Variants in VWC2L observed in about 807,000 individuals in gnomAD.
VWC2L encodes the protein von Willebrand factor C domain-containing protein 2-like.
VWC2L carries 10 observed loss-of-function variants against 21.6 expected under a neutral mutation model. The observed-to-expected ratio is 0.46, with a 90% CI of 0.29 to 0.78. The LOEUF is 0.78. Among genes scored for constraint, VWC2L ranks in the 30% least tolerant of loss-of-function variants. The pLI, the probability that VWC2L is intolerant of heterozygous loss-of-function variation, is 0.10. For missense variants in VWC2L, 209 were observed against 277.1 expected (o/e 0.75, Z 1.74); for synonymous variants, 96 against 94.3 (o/e 1.02, Z -0.10).
At chr2:214,565,325 T>G (rs1420133539) in intron 3 of VWC2L, among the ~76,000 whole-genome samples, 1 of 152,206 alleles carries the variant, frequency 6.6e-6, no homozygotes, top group Non-Finnish European at 1.5e-5. Context: ...TGTTATCCCT[T>G]AACTTAGACT....
chr2:214,534,622 T>C (rs1006490113), intron 3 of VWC2L, among the ~76,000 whole-genome samples: 1 of 152,092 alleles, frequency 6.6e-6, no homozygotes, highest in Non-Finnish European at 1.5e-5. Flanking sequence ...TACAAGATCA[T>C]AGATATCCTA....
At chr2:214,479,625 T>A (rs1329318553) in intron 3 of VWC2L, among the ~76,000 whole-genome samples, 2 of 152,084 alleles carry the variant, frequency 1.3e-5, no homozygotes, top group Non-Finnish European at 2.9e-5. Context: ...GCCAACATGA[T>A]GAAACCCCAT....
At chr2:214,557,603 G>C (rs964729424) in intron 3 of VWC2L, among the ~76,000 whole-genome samples, 3 of 152,170 alleles carry the variant, frequency 2.0e-5, no homozygotes, top group African/African-American at 7.2e-5. Flanking sequence ...GGCGTCCCCA[G>C]TCAGCTAGAC....
At chr2:214,417,041 A>G (rs577398867) in intron 2 of VWC2L, among the ~76,000 whole-genome samples, 4 of 152,266 alleles carry the variant, frequency 2.6e-5, no homozygotes, top group South Asian at 2.1e-4. Flanking sequence ...ACTTATCCCT[A>G]TGAACCATAC....
chr2:214,564,532 G>A (rs1574639420), intron 3 of VWC2L, among the ~76,000 whole-genome samples: 1 of 152,020 alleles, frequency 6.6e-6, no homozygotes, highest in South Asian at 2.1e-4. Context: ...ATTCTCCACA[G>A]CTACGCATGG....
Position 214,461,371 on chromosome 2 carries a change from G to C in VWC2L, c.520+24613G>C, listed in dbSNP as rs1208285322. ...TGATAAAACAACCCTCAAGTTCCAA[G>C]GGGGAACACTCTAGTGTTAATGGTG... On this transcript the variant is annotated intron_variant, in intron 3 of 3. Transcript: ENST00000312504. Among the ~76,000 whole-genome samples the C allele has an allele frequency of 3.3e-5, 5 of 152,174 alleles. No individual in the cohort carries two copies. The East Asian group carries it at 9.7e-4, about 29-fold the overall frequency.
At position 214,563,578 on chromosome 2, in the gene VWC2L, A is replaced by AAAAAAAG. The variant is rs1229933171; in HGVS notation, c.521-12091_521-12090insAAAGAAA. ...AAAAAAAAAAAAAAAAAAAAAAAAA[A>AAAAAAAG]AAATCAAGTGGTTCTAAATGTGAAG... On this transcript the variant is annotated intron_variant, in intron 3 of 3. Transcript: ENST00000312504. 1.5e-5 allele frequency among the ~76,000 whole-genome samples: 2 copies of AAAAAAAG among 133,530 alleles called. 1 individual carries two copies. The allele number at this position is 133,530 out of a possible 152,430, so 87.6% of individuals were successfully genotyped here. A position where few individuals can be genotyped will look rare whatever the true frequency, so the allele number is the denominator to read the frequency against.
intron 3 of VWC2L, among the ~76,000 whole-genome samples, chr2:214,569,571 A>G (rs757261630): frequency 2.6e-5 from 4 of 152,128 alleles, no homozygotes; most frequent in Non-Finnish European, 5.9e-5. Context: ...AGAGTTAACT[A>G]TTTGCTCTCG....
chr2:214,563,025 T>C (rs1690001072), intron 3 of VWC2L, among the ~76,000 whole-genome samples: 1 of 152,186 alleles, frequency 6.6e-6, no homozygotes, highest in South Asian at 2.1e-4. Context: ...TCATGAAATC[T>C]TTCCCTTGCC....
At chr2:214,469,569 TGG>T (rs1055464983) in intron 3 of VWC2L, among the ~76,000 whole-genome samples, 1 of 151,356 alleles carries the variant, frequency 6.6e-6, no homozygotes, top group Non-Finnish European at 1.5e-5. Context: ...CACTCCAGCC[TGG>T]GCGACAGAGG....
chr2:214,423,851 G>A (rs1434657564), intron 2 of VWC2L, among the ~76,000 whole-genome samples: 2 of 151,986 alleles, frequency 1.3e-5, no homozygotes, highest in Non-Finnish European at 2.9e-5. Context: ...TAACAAAGGA[G>A]CAAAATTAGC....
At chr2:214,536,901 T>C (rs1159737488) in intron 3 of VWC2L, 1 of 151,904 alleles carries the variant, frequency 6.6e-6, no homozygotes, top group Non-Finnish European at 1.5e-5. Flanking sequence ...TTCCCAAGCA[T>C]GCATTGCTTT....
chr2:214,535,625 T>C (rs535554957), intron 3 of VWC2L, among the ~76,000 whole-genome samples: 7 of 152,216 alleles, frequency 4.6e-5, no homozygotes, highest in Non-Finnish European at 1.0e-4. Flanking sequence ...AACAAAAGGG[T>C]GATCCTTAAA....
At chr2:214,473,481 CA>C (rs1703339828) in intron 3 of VWC2L, among the ~76,000 whole-genome samples, 1 of 152,100 alleles carries the variant, frequency 6.6e-6, no homozygotes, top group African/African-American at 2.4e-5. Context: ...TTGAGATATC[CA>C]AGTCTTCTTA....
intron 2 of VWC2L, 133 bp from the exon 3 acceptor site, chr2:214,436,496 C>A: frequency 1.7e-6 from 2 of 1,170,642 alleles, no homozygotes; most frequent in Non-Finnish European, 2.4e-6. Flanking sequence ...GGAGAATGAT[C>A]GTAGACATGG....
chr2:214,565,217 G>GA (rs944516447), intron 3 of VWC2L, among the ~76,000 whole-genome samples: 7 of 151,602 alleles, frequency 4.6e-5, no homozygotes, highest in Non-Finnish European at 1.0e-4. Context: ...TAAGCAATAA[G>GA]AAAAAAAACT....
Position 214,414,222 on chromosome 2 carries a change from T to C in VWC2L, c.29T>C (p.Ile10Thr). ...GCTCTTCATATTCATGAAGCTTGCA[T>C]ACTTCTGTTGGTCATCCCTGGATTG... MALHIHEACILLLVIPGLVT... is the reference protein window; with the variant it reads MALHIHEACTLLLVIPGLVT... The change falls in exon 2 of 4, where the codon ATA (isoleucine) becomes ACA (threonine). Residue 10 changes from isoleucine to threonine, a missense_variant. Ile to Thr is a moderately conservative substitution (Grantham distance 89, BLOSUM62 -1). Coordinates refer to ENST00000312504, the MANE Select transcript of VWC2L (RefSeq NM_001080500.4). 1 of 1,613,050 alleles carries C rather than the reference T, an allele frequency of 6.2e-7. No homozygotes were observed. Among genetic ancestry groups the C allele is most frequent in the Non-Finnish European group, 8.5e-7 (1 of 1,179,618 alleles).
At chr2:214,525,752 T>C (rs1465423665) in intron 3 of VWC2L, among the ~76,000 whole-genome samples, 1 of 152,214 alleles carries the variant, frequency 6.6e-6, no homozygotes, top group Non-Finnish European at 1.5e-5. Flanking sequence ...ATGATTGTTG[T>C]GACATGAGCA....
At chr2:214,455,312 T>C (rs1703039606) in intron 3 of VWC2L, among the ~76,000 whole-genome samples, 2 of 152,218 alleles carry the variant, frequency 1.3e-5, no homozygotes, top group African/African-American at 4.8e-5. Flanking sequence ...AATTATACCA[T>C]TTTATCTAAG....
Sources: allele counts gnomAD v4.1 joint callset (sites outside exome capture counted in the v4.1 genomes callset), GRCh38; gene constraint gnomAD v4.1.1; transcripts MANE v1.5; gene names NCBI Gene and HGNC (gene_info 2026-07-23, HGNC 2026-07-21).